Variants in MELK observed in about 807,000 individuals in gnomAD.
MELK encodes maternal embryonic leucine zipper kinase, also known as pEg3 kinase.
MELK carries 81 observed loss-of-function variants against 85.0 expected under a neutral mutation model. That is an observed-to-expected ratio of 0.95 (90% CI 0.80 to 1.15). MELK has a LOEUF of 1.15. MELK is among the 50% of genes most tolerant of loss of function. The probability of loss-of-function intolerance (pLI) is 0.00; values close to 1 mark genes in which losing one functional copy is unlikely to be tolerated. For synonymous variants in MELK, 252 were observed against 265.0 expected, an observed-to-expected ratio of 0.95 and a Z score of 0.48; for missense variants, 754 against 777.5, an observed-to-expected ratio of 0.97 and a Z score of 0.36.
At chr9:36,643,121 G>A (rs9298969) in intron 11 of MELK, 38 bp downstream of exon 11, 174,740 of 1,551,140 alleles carry the variant, frequency 0.11, 11,195 homozygotes, top group African/African-American at 0.24. Flanking sequence ...AGTGGCTCAC[G>A]CCTGTAATCC....
At chr9:36,574,901 C>T (rs943502784) in intron 1 of MELK, among the ~76,000 whole-genome samples, 3 of 152,050 alleles carry the variant, frequency 2.0e-5, no homozygotes, top group African/African-American at 4.8e-5. Flanking sequence ...CTTTGGGAGG[C>T]CGAGGCAGAT....
chr9:36,584,840 C>G (rs1400612184), intron 3 of MELK, among the ~76,000 whole-genome samples: 1 of 151,566 alleles, frequency 6.6e-6, no homozygotes, highest in African/African-American at 2.4e-5. Flanking sequence ...ACCTCAGCCT[C>G]CTGAGTGGGT....
chr9:36,671,033 A>G lies in MELK; in HGVS notation c.1541A>G (p.His514Arg). The change falls in exon 16 of 18, where the codon CAT becomes CGT. Residue 514 changes from histidine (H) to arginine (R), a missense_variant. By Grantham distance (29) the His-to-Arg change is conservative. Transcript: ENST00000298048. ...RSVELDLNQA[H>R]MEETPKRKGA... ...GTGGAATTGGATCTCAACCAAGCAC[A>G]TATGGAGGAGACTCCAAAAAGAAAG... 2 of 1,613,536 alleles carry G rather than the reference A, an allele frequency of 1.2e-6. No homozygotes were observed. Among genetic ancestry groups the G allele is most frequent in the South Asian group, 1.1e-5 (1 of 90,912 alleles).
intron 1 of MELK, among the ~76,000 whole-genome samples, chr9:36,575,126 C>T (rs1228916220): frequency 1.3e-5 from 2 of 152,178 alleles, no homozygotes; most frequent in Non-Finnish European, 2.9e-5. Flanking sequence ...GAGCAAGACT[C>T]CGTCTCAAAA....
chr9:36,668,109 A>G (rs1832555080), intron 14 of MELK, among the ~76,000 whole-genome samples: 1 of 152,164 alleles, frequency 6.6e-6, no homozygotes, highest in Non-Finnish European at 1.5e-5. Flanking sequence ...TTTGACATAA[A>G]CATAAATTTC....
chr9:36,658,002 C>T (rs1279960602), intron 13 of MELK, among the ~76,000 whole-genome samples: 1 of 151,796 alleles, frequency 6.6e-6, no homozygotes, highest in Admixed American at 6.6e-5. Flanking sequence ...GTTGTATAAC[C>T]ACCACCAAAA....
chr9:36,586,585 TA>T (rs1173327286), intron 3 of MELK, among the ~76,000 whole-genome samples: 34 of 152,320 alleles, frequency 2.2e-4, no homozygotes, highest in African/African-American at 7.7e-4. Flanking sequence ...CTTGAGCATT[TA>T]AACATGAGTA....
In MELK at chr9:36,594,763, C is replaced by A; in HGVS notation, c.397C>A (p.Leu133Ile). The change falls in exon 5 of 18, where the codon CTC (leucine) becomes ATC (isoleucine). Residue 133 changes from leucine (L) to isoleucine (I), a missense_variant. By Grantham distance (5) the Leu-to-Ile change is conservative. Transcript: ENST00000298048. ...CAGCCAGGGCTATGCTCACAGGGAC[C>A]TCAAGCCAGTAAGTGACTGCATCAC... ...VHSQGYAHRD[L>I]KPENLLFDEY... 1.2e-6 allele frequency: 2 copies of A among 1,613,086 alleles called. No homozygotes were observed. The highest frequency in any genetic ancestry group is 1.7e-6 in the Non-Finnish European group (2 of 1,179,722).
chr9:36,584,074 C>G (rs1285902353), intron 3 of MELK, among the ~76,000 whole-genome samples: 1 of 145,102 alleles, frequency 6.9e-6, no homozygotes, highest in Non-Finnish European at 1.5e-5. Context: ...GGCGCGATCT[C>G]GGCTCACTGC....
intron 17 of MELK, among the ~76,000 whole-genome samples, chr9:36,676,798 A>G (rs1833389498): frequency 6.6e-6 from 1 of 152,224 alleles, no homozygotes; most frequent in African/African-American, 2.4e-5. Flanking sequence ...TTTGTTGTGA[A>G]TGTTGTGGAA....
At chr9:36,618,451 G>A (rs530447644) in intron 8 of MELK, among the ~76,000 whole-genome samples, 85 of 151,340 alleles carry the variant, frequency 5.6e-4, no homozygotes, top group Non-Finnish European at 9.7e-4. Context: ...TGATGTCAAC[G>A]TAGCCATATA....
chr9:36,675,024 G>T (rs1409932540), intron 17 of MELK, 87 bp downstream of exon 17: 12 of 894,362 alleles, frequency 1.3e-5, no homozygotes. Context: ...GGTGGCTCAC[G>T]CCTGTAATCC....
intron 8 of MELK, among the ~76,000 whole-genome samples, chr9:36,612,869 T>C (rs992294099): frequency 6.6e-6 from 1 of 152,248 alleles, no homozygotes; most frequent in Non-Finnish European, 1.5e-5. Flanking sequence ...TTGTAGAATG[T>C]GCTTGGAAGT....
At chr9:36,580,539 G>A (rs1022257555) in intron 1 of MELK, among the ~76,000 whole-genome samples, 3 of 150,992 alleles carry the variant, frequency 2.0e-5, no homozygotes, top group East Asian at 2.0e-4. Context: ...GGCTGGTCTC[G>A]AACCCTGACC....
Position 36,665,561 on chromosome 9 carries a change from G to A in MELK, c.1388G>A (p.Arg463His), listed in dbSNP as rs1294849935. Reference protein sequence around the residue: ...HKREILTTPNRYTTPSKARNQ... With the variant: ...HKREILTTPNHYTTPSKARNQ... Reference sequence around the variant, plus strand: ...AGAGAAATACTCACTACGCCAAATCGTTACACTACACCCTCAAAAGGTATT... The same window carrying A: ...AGAGAAATACTCACTACGCCAAATCATTACACTACACCCTCAAAAGGTATT... The change falls in exon 14 of 18, where the codon CGT becomes CAT. Residue 463 changes from arginine to histidine, a missense_variant. By Grantham distance (29) the Arg-to-His change is conservative. Transcript: ENST00000298048. The A allele has an allele frequency of 7.4e-6, 12 of 1,612,296 alleles. No homozygotes were observed. Among genetic ancestry groups the A allele is most frequent in the East Asian group, 2.2e-5 (1 of 44,798 alleles).
intron 5 of MELK, 60 bp from the exon 6 acceptor site, chr9:36,597,162 A>T (rs1169231328): frequency 1.3e-5 from 19 of 1,408,478 alleles, no homozygotes; most frequent in Non-Finnish European, 1.9e-5. Context: ...AAATGGCTAG[A>T]GGTGGGATGT....
At chr9:36,615,946 A>G (rs1027327217) in intron 8 of MELK, among the ~76,000 whole-genome samples, 43 of 151,694 alleles carry the variant, frequency 2.8e-4, no homozygotes, top group South Asian at 8.4e-4. Context: ...CACTTCCCAG[A>G]CGGGGTGGCG....
At chr9:36,593,714 C>T (rs892337080) in intron 4 of MELK, among the ~76,000 whole-genome samples, 6 of 152,098 alleles carry the variant, frequency 3.9e-5, no homozygotes, top group Non-Finnish European at 5.9e-5. Context: ...TTTTTTGAGA[C>T]GAAGTCTCAC....
At chr9:36,651,434 A>T (rs775526477) in intron 11 of MELK, among the ~76,000 whole-genome samples, 1 of 152,200 alleles carries the variant, frequency 6.6e-6, no homozygotes, top group African/African-American at 2.4e-5. Flanking sequence ...CATATTTCTC[A>T]TACTAGGAAA....
Sources: gnomAD v4.1 joint callset for allele counts (sites outside exome capture counted in the v4.1 genomes callset) on GRCh38, gnomAD v4.1.1 for gene constraint, MANE v1.5 for transcripts, NCBI Gene and HGNC (gene_info 2026-07-23, HGNC 2026-07-21) for gene names.